The following ASAP1 variants were observed in gnomAD, a reference collection of about 807,000 sequenced individuals.
ASAP1 encodes the protein arf-GAP with SH3 domain, ANK repeat and PH domain-containing protein 1.
In ASAP1, 43 loss-of-function variants were observed where a neutral mutation model predicts 145.2. That is an observed-to-expected ratio of 0.30 (90% confidence interval 0.23 to 0.38). ASAP1 has a LOEUF of 0.38. Ranked by LOEUF, ASAP1 falls within the 10% of genes least tolerant of loss-of-function variation. The pLI is 1.00. For missense variants in ASAP1, 1,018 were observed against 1,355.3 expected, an observed-to-expected ratio of 0.75 and a Z score of 3.91; for synonymous variants, 546 against 515.5, an observed-to-expected ratio of 1.06 and a Z score of -0.80.
Position 130,256,738 on chromosome 8 carries a change from CTTATATATATATAT to C in ASAP1, c.187-19758_187-19745del, listed in dbSNP as rs1286746741. ...AATCTTCTTCCTGAATATACACATTCTTATATATATATATATATATATATATATATATATATATA... is the reference window on the plus strand; with the variant it reads ...AATCTTCTTCCTGAATATACACATTCATATATATATATATATATATATATA... On this transcript the variant is annotated intron_variant, in intron 3 of 29. Coordinates refer to ENST00000518721, the MANE Select transcript of ASAP1 (RefSeq NM_018482.4). Among the ~76,000 whole-genome samples, 581 of 70,816 alleles carry C rather than the reference CTTATATATATATAT, an allele frequency of 8.2e-3. 13 individuals carry two copies. Among genetic ancestry groups the C allele is most frequent in the Admixed American group, 0.042 (259 of 6,106 alleles). 46.5% of individuals were successfully genotyped at this position (70,816 alleles called of 152,430 possible). A position where few individuals can be genotyped will look rare whatever the true frequency, so the allele number is the denominator to read the frequency against.
chr8:130,137,189 T>C (rs1013983071), intron 13 of ASAP1, 151 bp from the exon 14 acceptor site: 20 of 682,828 alleles, frequency 2.9e-5, no homozygotes, highest in East Asian at 2.2e-4. Flanking sequence ...CATCTGAGCA[T>C]TGTTCCAAGT....
At chr8:130,262,954 C>T (rs1170525222) in intron 3 of ASAP1, among the ~76,000 whole-genome samples, 1 of 152,158 alleles carries the variant, frequency 6.6e-6, no homozygotes, top group Non-Finnish European at 1.5e-5. Context: ...AGAGAAATCA[C>T]TCCTCAAATC....
chr8:130,117,501 A>G (rs2097558220), intron 20 of ASAP1, among the ~76,000 whole-genome samples: 1 of 152,138 alleles, frequency 6.6e-6, no homozygotes, highest in African/African-American at 2.4e-5. Flanking sequence ...TATGGGTTCA[A>G]ATCCCCTCAC....
intron 3 of ASAP1, among the ~76,000 whole-genome samples, chr8:130,276,716 A>T (rs1820908639): frequency 7.8e-6 from 1 of 128,834 alleles, no homozygotes; most frequent in East Asian, 2.6e-4. Flanking sequence ...ACACACACAC[A>T]CACACACACA....
At chr8:130,057,646 C>T (rs1389255807) in intron 29 of ASAP1, among the ~76,000 whole-genome samples, 1 of 152,204 alleles carries the variant, frequency 6.6e-6, no homozygotes, top group Admixed American at 6.5e-5. Context: ...CACGGGGTTT[C>T]ACCATGCTGG....
At chr8:130,054,894 C>T in intron 29 of ASAP1, 89 bp from the exon 30 acceptor site, 1 of 1,011,992 alleles carries the variant, frequency 9.9e-7, no homozygotes, top group South Asian at 1.3e-5. Context: ...GCCTAGTCTG[C>T]CCACAGACCT....
chr8:130,070,333 G>A lies in ASAP1; in HGVS notation c.2701+6015C>T, dbSNP rs191355941. ...ATTACAGGCGTGAGCCACCGTGCCC[G>A]GCCGACTGCATCTCTTTTATTTGAT... On this transcript the variant is annotated intron_variant, in intron 27 of 29. Transcript: ENST00000518721. Among the ~76,000 whole-genome samples, 21 of 152,162 alleles carry A rather than the reference G, an allele frequency of 1.4e-4. No homozygotes were observed. In the East Asian group the frequency reaches 3.9e-3, roughly 28 times the overall value.
chr8:130,213,539 G>C (rs993352196), intron 5 of ASAP1, among the ~76,000 whole-genome samples: 3 of 152,174 alleles, frequency 2.0e-5, no homozygotes, highest in African/African-American at 7.2e-5. Context: ...ACTGACCTAG[G>C]TTAAGGACAT....
intron 3 of ASAP1, among the ~76,000 whole-genome samples, chr8:130,278,229 A>C (rs1821038633): frequency 6.6e-6 from 1 of 152,240 alleles, no homozygotes; most frequent in Non-Finnish European, 1.5e-5. Flanking sequence ...TTTTCATTGT[A>C]GTAACATGAG....
intron 2 of ASAP1, chr8:130,386,628 C>T (rs1422292672): frequency 6.6e-6 from 1 of 152,270 alleles, no homozygotes; most frequent in Non-Finnish European, 1.5e-5. Flanking sequence ...GAACTTCTGA[C>T]AACTGTACCT....
intron 3 of ASAP1, among the ~76,000 whole-genome samples, chr8:130,317,715 G>A (rs375506486): frequency 3.3e-4 from 50 of 152,330 alleles, no homozygotes; most frequent in African/African-American, 1.0e-3. Flanking sequence ...GTTGCTACGC[G>A]TTTGTTTCAC....
chr8:130,247,526 T>TAA (rs36050520), intron 3 of ASAP1, among the ~76,000 whole-genome samples: 27 of 150,774 alleles, frequency 1.8e-4, no homozygotes, highest in Admixed American at 2.0e-4. Context: ...GGAGGACCCT[T>TAA]AAAAAAAAAC....
At chr8:130,228,520 G>C (rs1056428680) in intron 4 of ASAP1, among the ~76,000 whole-genome samples, 1 of 151,830 alleles carries the variant, frequency 6.6e-6, no homozygotes, top group African/African-American at 2.4e-5. Flanking sequence ...GGGAAACACG[G>C]CAAAACCACG....
intron 3 of ASAP1, among the ~76,000 whole-genome samples, chr8:130,337,996 T>C (rs962334241): frequency 3.3e-5 from 5 of 152,172 alleles, no homozygotes. Context: ...ACAACAATCG[T>C]TGAAATACAT....
chr8:130,428,436 C>T (rs1369423244), intron 1 of ASAP1, among the ~76,000 whole-genome samples: 1 of 3,494 alleles, frequency 2.9e-4, no homozygotes, highest in African/African-American at 8.6e-4. Flanking sequence ...ATCATCATCA[C>T]CACCACCACC....
intron 4 of ASAP1, among the ~76,000 whole-genome samples, chr8:130,226,771 C>T (rs1332251824): frequency 6.6e-6 from 1 of 152,238 alleles, no homozygotes; most frequent in East Asian, 1.9e-4. Flanking sequence ...CATCACTCTC[C>T]TATAGCAGAA....
At position 130,072,824 on chromosome 8, in the gene ASAP1, T is replaced by TGTGCGTGTGCGC; in HGVS notation, c.2701+3523_2701+3524insGCGCACACGCAC. On this transcript the variant is annotated intron_variant, in intron 27 of 29. Transcript: ENST00000518721. Reference sequence around the variant, plus strand: ...GTGTGTGTGTGTGTGTGTGTGTGTGTGCGCGCGGGGGGGGGCAGTTTTGGG... The same window carrying TGTGCGTGTGCGC: ...GTGTGTGTGTGTGTGTGTGTGTGTGTGTGCGTGTGCGCGCGCGCGGGGGGGGGCAGTTTTGGG... Among the ~76,000 whole-genome samples, 7 of 32,316 alleles carry TGTGCGTGTGCGC rather than the reference T, an allele frequency of 2.2e-4. 1 individual carries two copies. Among genetic ancestry groups the TGTGCGTGTGCGC allele is most frequent in the South Asian group, 3.4e-3 (2 of 588 alleles). 21.2% of individuals were successfully genotyped at this position (32,316 alleles called of 152,430 possible). A position where few individuals can be genotyped will look rare whatever the true frequency, so the allele number is the denominator to read the frequency against.
intron 3 of ASAP1, among the ~76,000 whole-genome samples, chr8:130,315,610 T>C (rs1823620567): frequency 6.6e-6 from 1 of 152,240 alleles, no homozygotes; most frequent in Non-Finnish European, 1.5e-5. Context: ...GCTTCCCAGC[T>C]GTGCTCCCAT....
chr8:130,349,057 A>AG (rs1825851543), intron 3 of ASAP1, among the ~76,000 whole-genome samples: 1 of 152,244 alleles, frequency 6.6e-6, no homozygotes, highest in Non-Finnish European at 1.5e-5. Flanking sequence ...GCACTGGTAG[A>AG]GCCCATCAGG....
Sources: allele counts gnomAD v4.1 joint callset (sites outside exome capture counted in the v4.1 genomes callset), GRCh38; gene constraint gnomAD v4.1.1; transcripts MANE v1.5; gene names NCBI Gene and HGNC (gene_info 2026-07-23, HGNC 2026-07-21).